Variants in XNDC1N observed in about 807,000 individuals in gnomAD.
The protein encoded by XNDC1N is XRCC1 N-terminal domain containing 1, N-terminal like.
At chr11:71,908,981 C>T in the XNDC1N span, among the ~76,000 whole-genome samples, 14 of 152,150 alleles carry the variant, frequency 9.2e-5, no homozygotes, top group Non-Finnish European at 1.3e-4. Flanking sequence ...AGGCCACAAA[C>T]GTTAACAAGC....
the XNDC1N span, among the ~76,000 whole-genome samples, chr11:71,890,858 A>G: frequency 1.1e-4 from 16 of 152,186 alleles, no homozygotes; most frequent in African/African-American, 3.9e-4. Flanking sequence ...CTTTGCTGTC[A>G]TAGAATTCTC....
At chr11:71,896,626 C>A in the XNDC1N span, among the ~76,000 whole-genome samples, 19 of 150,738 alleles carry the variant, frequency 1.3e-4, no homozygotes, top group South Asian at 4.2e-4. Flanking sequence ...TGTCATGGTG[C>A]AATCTTGGCT....
At chr11:71,909,983 G>A in the XNDC1N span, among the ~76,000 whole-genome samples, 1 of 152,030 alleles carries the variant, frequency 6.6e-6, no homozygotes, top group South Asian at 2.1e-4. Flanking sequence ...CTGGCTAAGC[G>A]GTGGCCAAGA....
At chr11:71,909,578 T>A in the XNDC1N span, among the ~76,000 whole-genome samples, 1 of 152,164 alleles carries the variant, frequency 6.6e-6, no homozygotes, top group African/African-American at 2.4e-5. Flanking sequence ...GAGCCTCTGG[T>A]CAGAATGATA....
chr11:71,907,995 C>T, the XNDC1N span, among the ~76,000 whole-genome samples: 2 of 152,178 alleles, frequency 1.3e-5, no homozygotes, highest in South Asian at 2.1e-4. Flanking sequence ...ACTCCAACCA[C>T]TGGAGATTTT....
chr11:71,897,740 G>A, the XNDC1N span, among the ~76,000 whole-genome samples: 1 of 152,244 alleles, frequency 6.6e-6, no homozygotes, highest in African/African-American at 2.4e-5. Flanking sequence ...GAAGCCAGGA[G>A]TGGAAGACAG....
the XNDC1N span, among the ~76,000 whole-genome samples, chr11:71,867,582 C>T: frequency 6.6e-6 from 1 of 152,148 alleles, no homozygotes; most frequent in Non-Finnish European, 1.5e-5. Context: ...GTTTAATTTC[C>T]ATGTAATTGT....
the XNDC1N span, chr11:71,928,020 G>C: frequency 6.0e-5 from 10 of 165,838 alleles, no homozygotes; most frequent in Non-Finnish European, 1.2e-4. Flanking sequence ...GGCTTGCAAG[G>C]TATCGAGTTC....
chr11:71,877,067 T>C, the XNDC1N span, among the ~76,000 whole-genome samples: 3 of 152,224 alleles, frequency 2.0e-5, no homozygotes, highest in Non-Finnish European at 2.9e-5. Context: ...GGCTAAGACT[T>C]GGGAAGTTTG....
chr11:71,909,181 G>T, the XNDC1N span, among the ~76,000 whole-genome samples: 36 of 152,132 alleles, frequency 2.4e-4, no homozygotes, highest in Non-Finnish European at 4.4e-4. Context: ...GGGCTTGCAG[G>T]GATGAATCCA....
At chr11:71,894,655 G>A in the XNDC1N span, among the ~76,000 whole-genome samples, 1 of 152,146 alleles carries the variant, frequency 6.6e-6, no homozygotes, top group East Asian at 1.9e-4. Flanking sequence ...TAGTTTCTGA[G>A]CAATAACCCT....
chr11:71,911,581 A>T, the XNDC1N span, among the ~76,000 whole-genome samples: 2 of 152,126 alleles, frequency 1.3e-5, no homozygotes, highest in South Asian at 2.1e-4. Flanking sequence ...CATTGCTTTC[A>T]TTGGGGCCTT....
chr11:71,907,790 C>T, the XNDC1N span, among the ~76,000 whole-genome samples: 2 of 152,082 alleles, frequency 1.3e-5, no homozygotes, highest in Non-Finnish European at 2.9e-5. Context: ...GAACGATATC[C>T]TTGGGGGTGT....
the XNDC1N span, among the ~76,000 whole-genome samples, chr11:71,881,301 A>G: frequency 3.3e-5 from 5 of 152,214 alleles, no homozygotes; most frequent in Admixed American, 2.6e-4. Context: ...TTTCACTTAA[A>G]GTCAATTTTG....
chr11:71,867,974 T>C, the XNDC1N span, among the ~76,000 whole-genome samples: 1 of 152,246 alleles, frequency 6.6e-6, no homozygotes, highest in South Asian at 2.1e-4. Flanking sequence ...CACACTTGTC[T>C]TGGGTTCATA....
At chr11:71,886,042 C>T in the XNDC1N span, among the ~76,000 whole-genome samples, 35 of 152,086 alleles carry the variant, frequency 2.3e-4, no homozygotes, top group African/African-American at 8.4e-4. Context: ...CCACTCCTCC[C>T]TCGGCAGCTC....
chr11:71,881,797 A>G, the XNDC1N span, among the ~76,000 whole-genome samples: 1 of 152,230 alleles, frequency 6.6e-6, no homozygotes. Flanking sequence ...AATTTTAAAT[A>G]GCAACTTCCA....
chr11:71,869,949 A>G, the XNDC1N span, among the ~76,000 whole-genome samples: 1 of 152,202 alleles, frequency 6.6e-6, no homozygotes, highest in South Asian at 2.1e-4. Flanking sequence ...AGACTGGGTA[A>G]TTTATAAGGA....
chr11:71,873,427 CTTATTG>C, the XNDC1N span, among the ~76,000 whole-genome samples: 1 of 152,120 alleles, frequency 6.6e-6, no homozygotes. Flanking sequence ...GGGAATATAT[CTTATTG>C]TTATTGATTT....
Sources: allele counts gnomAD v4.1 joint callset (sites outside exome capture counted in the v4.1 genomes callset), GRCh38; gene constraint gnomAD v4.1.1; transcripts MANE v1.5; gene names NCBI Gene and HGNC (gene_info 2026-07-23, HGNC 2026-07-21).